The following CASC3 variants were observed in gnomAD, a reference collection of about 807,000 sequenced individuals.
CASC3 encodes CASC3 exon junction complex subunit.
In CASC3, 30 loss-of-function variants were observed where a neutral mutation model predicts 80.5. That is an observed-to-expected ratio of 0.37 (90% CI 0.28 to 0.51). The LOEUF (loss-of-function observed/expected upper bound fraction) is 0.51. Ranked by LOEUF, CASC3 falls within the 20% of genes least tolerant of loss-of-function variation. The pLI, the probability that CASC3 is intolerant of heterozygous loss-of-function variation, is 0.94. For missense variants in CASC3, 824 were observed against 922.2 expected (o/e 0.89, Z 1.38); for synonymous variants, 312 against 333.6 (o/e 0.94, Z 0.70).
intron 3 of CASC3, among the ~76,000 whole-genome samples, chr17:40,148,776 T>C (rs777267394): frequency 2.6e-5 from 4 of 152,324 alleles, no homozygotes; most frequent in Non-Finnish European, 4.4e-5. Context: ...CTCTGCTTTC[T>C]CCTGCGTGGA....
At chr17:40,156,257 G>C (rs1394144331) in intron 3 of CASC3, among the ~76,000 whole-genome samples, 1 of 152,138 alleles carries the variant, frequency 6.6e-6, no homozygotes, top group Non-Finnish European at 1.5e-5. Flanking sequence ...GAAATGGGAA[G>C]AATCAATGGT....
At chr17:40,154,418 G>A (rs1382266220) in intron 3 of CASC3, among the ~76,000 whole-genome samples, 7 of 151,900 alleles carry the variant, frequency 4.6e-5, no homozygotes, top group Non-Finnish European at 1.0e-4. Context: ...ATTTTTAGTA[G>A]AGACGAGGTT....
In CASC3 at chr17:40,162,971, G is replaced by A. The variant is rs115138371; in HGVS notation, c.785+70G>A. On this transcript the variant is annotated intron_variant, in intron 6 of 13. Transcript: ENST00000264645. ...TACGGTGGCTTACACCTGGAATCCC[G>A]GCACTTTGGGAGGCTGAGGCAGGAG... 4,220 of 1,395,924 alleles carry A rather than the reference G, an allele frequency of 3.0e-3. 127 individuals are homozygous for A. In the African/African-American group the frequency reaches 0.053, roughly 18 times the overall value. 86.5% of individuals were successfully genotyped at this position (1,395,924 alleles called of 1,614,324 possible).
At chr17:40,165,769 T>G (rs977928042) in intron 7 of CASC3, among the ~76,000 whole-genome samples, 3 of 150,908 alleles carry the variant, frequency 2.0e-5, no homozygotes, top group African/African-American at 4.9e-5. Context: ...TTTTGTTTTT[T>G]TTTTTTTTTA....
At chr17:40,166,214 G>T (rs967711460) in intron 7 of CASC3, among the ~76,000 whole-genome samples, 2 of 152,294 alleles carry the variant, frequency 1.3e-5, no homozygotes, top group African/African-American at 4.8e-5. Flanking sequence ...TAGATCAAAG[G>T]ATCTTCCCTT....
At position 40,140,789 on chromosome 17, in the gene CASC3, C is replaced by G; in HGVS notation, c.231+10C>G. ...TGAGGAGTCGGAGTGTGTGAGTGCG[C>G]GCAGGCGGGGCGGGGTGGGGACCGG... is the stretch of plus-strand genomic sequence containing the variant. On this transcript the variant is annotated intron_variant, in intron 1 of 13. Coordinates refer to ENST00000264645, the MANE Select transcript of CASC3 (RefSeq NM_007359.5). 1 of 1,069,436 alleles carries G rather than the reference C, an allele frequency of 9.4e-7. No individual in the cohort carries two copies. The highest frequency in any genetic ancestry group is 1.9e-5 in the South Asian group (1 of 52,306). 66.2% of individuals were successfully genotyped at this position (1,069,436 alleles called of 1,614,324 possible).
intron 3 of CASC3, among the ~76,000 whole-genome samples, chr17:40,145,075 G>C (rs1988823089): frequency 6.6e-6 from 1 of 151,570 alleles, no homozygotes; most frequent in Admixed American, 6.6e-5. Flanking sequence ...TGGTCAAGCT[G>C]GTCTCGAACT....
In CASC3 at chr17:40,141,057, C is replaced by T. The variant is rs187464254; in HGVS notation, c.232-150C>T. ...CTGGAGGGAAGGAGACCAGACCTGCCTTGGCTACTACTTGATAAAGATTTA... is the reference window on the plus strand; with the variant it reads ...CTGGAGGGAAGGAGACCAGACCTGCTTTGGCTACTACTTGATAAAGATTTA... On this transcript the variant is annotated intron_variant, in intron 1 of 13. Transcript: ENST00000264645. The T allele has an allele frequency of 4.6e-4, 350 of 757,902 alleles. No homozygotes were observed. In the African/African-American group the frequency reaches 5.5e-3, roughly 12 times the overall value. 46.9% of individuals were successfully genotyped at this position (757,902 alleles called of 1,614,324 possible).
chr17:40,140,886 T>C (rs1054086902), intron 1 of CASC3, 107 bp downstream of exon 1: 10 of 870,838 alleles, frequency 1.1e-5, no homozygotes, highest in Non-Finnish European at 1.5e-5. Flanking sequence ...ATACTGGGAC[T>C]TTTTTTTGTT....
intron 11 of CASC3, chr17:40,168,790 A>G (rs1598432459): frequency 3.8e-6 from 1 of 264,832 alleles, no homozygotes; most frequent in South Asian, 3.8e-5. Flanking sequence ...GCGTTTCACC[A>G]TGTTGGCCAA....
chr17:40,140,660 G>T lies in CASC3; in HGVS notation c.112G>T (p.Gly38Cys), dbSNP rs1400858136. The T allele has an allele frequency of 1.2e-6, 2 of 1,605,974 alleles. No homozygotes were observed. The highest frequency in any genetic ancestry group is 1.7e-6 in the Non-Finnish European group (2 of 1,177,682). ...SPLRGGGSCS[G>C]SAGGGGSGSL... ...GTTGCGGGGAGGCGGGAGCTGCAGC[G>T]GTAGCGCCGGAGGCGGCGGCAGCGG... The change falls in exon 1 of 14, where the codon GGT becomes TGT. Residue 38 changes from glycine to cysteine, a missense_variant. This residue lies in a region of CASC3 where 159 missense variants were observed against 122.2 expected (regional missense o/e 1.30). Transcript: ENST00000264645.
At chr17:40,149,919 A>C (rs572206546) in intron 3 of CASC3, among the ~76,000 whole-genome samples, 6 of 152,294 alleles carry the variant, frequency 3.9e-5, no homozygotes, top group Middle Eastern at 3.4e-3. Context: ...TCTCAAAAAA[A>C]AGGGAAAAAA....
intron 3 of CASC3, among the ~76,000 whole-genome samples, chr17:40,149,196 G>A (rs17678928): frequency 0.068 from 10,285 of 151,968 alleles, 456 homozygotes; most frequent in Middle Eastern, 0.11. Flanking sequence ...TTTGGGTCTC[G>A]GTTTTGCTGT....
At chr17:40,141,657 A>G in intron 3 of CASC3, 50 bp downstream of exon 3, 1 of 1,416,916 alleles carries the variant, frequency 7.1e-7, no homozygotes, top group Non-Finnish European at 1.0e-6. Flanking sequence ...ATGCTTTTTA[A>G]AAACGTGTAC....
At position 40,157,068 on chromosome 17, in the gene CASC3, G is replaced by A. The variant is rs370268160; in HGVS notation, c.298-4685G>A. Among the ~76,000 whole-genome samples the A allele has an allele frequency of 6.0e-4, 92 of 152,128 alleles. 1 individual carries two copies. The East Asian group carries it at 0.014, about 23-fold the overall frequency. On this transcript the variant is annotated intron_variant, in intron 3 of 13. Coordinates refer to ENST00000264645, the MANE Select transcript of CASC3 (RefSeq NM_007359.5). The stretch of plus-strand genomic sequence containing the variant: ...TTAAAAAAATAAAAGGGGGTTGGCC[G>A]GGCGCGGTGGCTCACGCCTGTAATC...
chr17:40,161,554 C>T (rs1013502833), intron 3 of CASC3, among the ~76,000 whole-genome samples, 199 bp from the exon 4 acceptor site: 3 of 152,066 alleles, frequency 2.0e-5, no homozygotes, highest in Non-Finnish European at 4.4e-5. Context: ...TAGTGGGCGC[C>T]TATAATCCCA....
At chr17:40,141,405 A>G (rs1988713672) in intron 2 of CASC3, 165 bp from the exon 3 acceptor site, 2 of 833,472 alleles carry the variant, frequency 2.4e-6, no homozygotes, top group Middle Eastern at 2.5e-4. Context: ...GTCTTCAGCA[A>G]GTTACCCTCT....
intron 5 of CASC3, 46 bp downstream of exon 5, chr17:40,162,199 A>G (rs986361103): frequency 2.5e-6 from 4 of 1,574,184 alleles, no homozygotes; most frequent in East Asian, 2.2e-5. Flanking sequence ...TATTTTACAC[A>G]TGTAGGCCAG....
At chr17:40,152,773 A>G (rs1339125343) in intron 3 of CASC3, among the ~76,000 whole-genome samples, 2 of 151,590 alleles carry the variant, frequency 1.3e-5, no homozygotes, top group South Asian at 4.2e-4. Flanking sequence ...CCAAGTATAC[A>G]GTACGCTATT....
Sources: gnomAD v4.1 joint callset for allele counts (sites outside exome capture counted in the v4.1 genomes callset) on GRCh38, gnomAD v4.1.1 for gene constraint, gnomAD v4.1.1 regional missense constraint, MANE v1.5 for transcripts, NCBI Gene and HGNC (gene_info 2026-07-23, HGNC 2026-07-21) for gene names.